The following LRFN5 variants were observed in gnomAD, a reference collection of about 807,000 sequenced individuals.
LRFN5 encodes leucine-rich repeat and fibronectin type-III domain-containing protein 5.
Under a neutral mutation model 45.6 loss-of-function variants are expected in LRFN5, and 24 were observed. That is an observed-to-expected ratio of 0.53 (90% CI 0.38 to 0.74). The LOEUF (loss-of-function observed/expected upper bound fraction) is 0.74, where lower values mean the gene tolerates loss of function less well. Ranked by LOEUF, LRFN5 falls within the 30% of genes least tolerant of loss-of-function variation. The probability of loss-of-function intolerance (pLI) is 0.00; values close to 1 mark genes in which losing one functional copy is unlikely to be tolerated. For missense variants in LRFN5, 776 were observed against 861.5 expected (o/e 0.90, Z 1.24); for synonymous variants, 340 against 313.8 (o/e 1.08, Z -0.88).
intron 1 of LRFN5, among the ~76,000 whole-genome samples, chr14:41,618,953 CATG>C (rs1292220450): frequency 6.6e-6 from 1 of 152,088 alleles, no homozygotes; most frequent in Non-Finnish European, 1.5e-5. Context: ...CTAACATGTG[CATG>C]ATAAGTAATT....
chr14:41,669,264 C>A (rs1881050088), intron 1 of LRFN5, among the ~76,000 whole-genome samples: 1 of 151,082 alleles, frequency 6.6e-6, no homozygotes, highest in Non-Finnish European at 1.5e-5. Flanking sequence ...AAAACTGGAA[C>A]CCATACAAAT....
intron 1 of LRFN5, among the ~76,000 whole-genome samples, chr14:41,717,283 C>T (rs1188004942): frequency 6.6e-6 from 1 of 152,166 alleles, no homozygotes; most frequent in Non-Finnish European, 1.5e-5. Flanking sequence ...ATCTTTCAGT[C>T]TTGCAGGAAT....
chr14:41,686,239 G>C (rs1354363592), intron 1 of LRFN5, among the ~76,000 whole-genome samples: 3 of 151,804 alleles, frequency 2.0e-5, no homozygotes, highest in Non-Finnish European at 4.4e-5. Flanking sequence ...TTGTAAACGG[G>C]AGTTCATTCA....
chr14:41,851,078 A>G (rs1176248233), intron 2 of LRFN5, among the ~76,000 whole-genome samples: 2 of 151,688 alleles, frequency 1.3e-5, no homozygotes, highest in African/African-American at 4.8e-5. Context: ...AATTAATTTA[A>G]TTTCAAATAG....
chr14:41,816,558 T>TA (rs1491254549), intron 2 of LRFN5, among the ~76,000 whole-genome samples: 1 of 151,750 alleles, frequency 6.6e-6, no homozygotes, highest in African/African-American at 2.4e-5. Context: ...TACAGTATTC[T>TA]ATGTTTTTTT....
chr14:41,660,237 G>T (rs923560775), intron 1 of LRFN5, among the ~76,000 whole-genome samples: 2 of 152,054 alleles, frequency 1.3e-5, no homozygotes. Context: ...TGTTAGCCTG[G>T]CTGGTCTTGA....
At chr14:41,691,850 A>G (rs552799338) in intron 1 of LRFN5, among the ~76,000 whole-genome samples, 1 of 152,178 alleles carries the variant, frequency 6.6e-6, no homozygotes, top group Non-Finnish European at 1.5e-5. Context: ...TTTGAATTTC[A>G]TATGAATAAT....
intron 1 of LRFN5, among the ~76,000 whole-genome samples, chr14:41,662,361 G>T (rs1880695352): frequency 6.6e-6 from 1 of 151,860 alleles, no homozygotes; most frequent in Non-Finnish European, 1.5e-5. Context: ...AATCTCTGGG[G>T]TATGTGACTT....
chr14:41,751,912 C>T (rs779002098), intron 1 of LRFN5, among the ~76,000 whole-genome samples: 1 of 152,086 alleles, frequency 6.6e-6, no homozygotes, highest in Non-Finnish European at 1.5e-5. Context: ...TATCCCTCCC[C>T]TCTCCCGCCA....
chr14:41,694,791 G>A (rs1882531699), intron 1 of LRFN5, among the ~76,000 whole-genome samples: 2 of 151,708 alleles, frequency 1.3e-5, no homozygotes, highest in African/African-American at 4.8e-5. Flanking sequence ...ATGATATTTG[G>A]TGTTACTATG....
intron 1 of LRFN5, among the ~76,000 whole-genome samples, chr14:41,741,512 G>T (rs1884691191): frequency 6.6e-6 from 1 of 151,690 alleles, no homozygotes; most frequent in African/African-American, 2.4e-5. Context: ...CATGAAATTG[G>T]ATCTTTCTGA....
chr14:41,703,224 A>G (rs1882910325), intron 1 of LRFN5, among the ~76,000 whole-genome samples: 1 of 152,202 alleles, frequency 6.6e-6, no homozygotes, highest in Non-Finnish European at 1.5e-5. Context: ...CCCTTTAAAT[A>G]TAGTAATATT....
At chr14:41,719,228 G>T (rs1031308360) in intron 1 of LRFN5, among the ~76,000 whole-genome samples, 2 of 151,852 alleles carry the variant, frequency 1.3e-5, no homozygotes, top group African/African-American at 4.8e-5. Context: ...ATTGAAAAGG[G>T]GCTTATATGT....
At chr14:41,830,840 A>C (rs1328910435) in intron 2 of LRFN5, among the ~76,000 whole-genome samples, 1 of 152,160 alleles carries the variant, frequency 6.6e-6, no homozygotes, top group Non-Finnish European at 1.5e-5. Flanking sequence ...GGAACAAGGG[A>C]AGCCAGGACA....
intron 1 of LRFN5, among the ~76,000 whole-genome samples, chr14:41,731,101 G>T (rs1035150396): frequency 6.6e-6 from 1 of 151,976 alleles, no homozygotes; most frequent in Non-Finnish European, 1.5e-5. Context: ...TATGGACAAT[G>T]ACAACAACAA....
At chr14:41,893,063 G>A in intron 4 of LRFN5, 1 of 981,246 alleles carries the variant, frequency 1.0e-6, no homozygotes, top group Non-Finnish European at 1.2e-6. Flanking sequence ...TAAGCAGATA[G>A]TGGATTTTTT....
intron 2 of LRFN5, among the ~76,000 whole-genome samples, chr14:41,881,261 T>G (rs1890369518): frequency 6.6e-6 from 1 of 152,116 alleles, no homozygotes; most frequent in Non-Finnish European, 1.5e-5. Context: ...TTTGCCTAGC[T>G]GTGAATACCT....
At chr14:41,782,030 T>C (rs1003207874) in intron 2 of LRFN5, among the ~76,000 whole-genome samples, 1 of 152,082 alleles carries the variant, frequency 6.6e-6, no homozygotes, top group African/African-American at 2.4e-5. Context: ...TGTAGTGTTC[T>C]CTGAGCTTCC....
chr14:41,902,501 T>A (rs1000649949), intron 5 of LRFN5, among the ~76,000 whole-genome samples: 5 of 151,908 alleles, frequency 3.3e-5, no homozygotes, highest in Non-Finnish European at 7.4e-5. Flanking sequence ...TATTGCTACA[T>A]CTTCAGAGCA....
Sources: gnomAD v4.1 joint callset for allele counts (sites outside exome capture counted in the v4.1 genomes callset) on GRCh38, gnomAD v4.1.1 for gene constraint, MANE v1.5 for transcripts, NCBI Gene and HGNC (gene_info 2026-07-23, HGNC 2026-07-21) for gene names.